LRMDA: variants seen among roughly 807,000 people sequenced by gnomAD.
The protein encoded by LRMDA is leucine rich melanocyte differentiation associated.
Under a neutral mutation model 29.8 loss-of-function variants are expected in LRMDA, and 18 were observed. That is an observed-to-expected ratio of 0.60 (90% CI 0.42 to 0.90). The LOEUF (loss-of-function observed/expected upper bound fraction) is 0.90. Among genes scored for constraint, LRMDA ranks in the 40% least tolerant of loss-of-function variants. LRMDA has a pLI of 0.00. For synonymous variants in LRMDA, 125 were observed against 109.4 expected (o/e 1.14, Z -0.89); for missense variants, 273 against 273.9 (o/e 1.00, Z 0.02).
chr10:76,085,631 G>A (rs1489441001), intron 5 of LRMDA, among the ~76,000 whole-genome samples: 1 of 152,140 alleles, frequency 6.6e-6, no homozygotes, highest in African/African-American at 2.4e-5. Context: ...CTGTGTCCTT[G>A]GAGAGTCGGT....
At chr10:76,085,948 T>A (rs1456028617) in intron 5 of LRMDA, among the ~76,000 whole-genome samples, 1 of 152,180 alleles carries the variant, frequency 6.6e-6, no homozygotes, top group Non-Finnish European at 1.5e-5. Context: ...TTCCCAGCAA[T>A]GGGGATCAGT....
At position 76,544,013 on chromosome 10, in the gene LRMDA, G is replaced by A. The variant is rs935152497; in HGVS notation, c.602-13196G>A. On this transcript the variant is annotated intron_variant, in intron 6 of 6. Transcript: ENST00000611255. Reference sequence around the variant, plus strand: ...CAGTTTCTCCTCAGGCTGCCCCACCGCCTGCATTATGAGTCTTTCTTCTCC... The same window carrying A: ...CAGTTTCTCCTCAGGCTGCCCCACCACCTGCATTATGAGTCTTTCTTCTCC... Among the ~76,000 whole-genome samples the A allele has an allele frequency of 2.5e-4, 38 of 152,178 alleles. 1 individual carries two copies. In the East Asian group the frequency reaches 6.0e-3, roughly 24 times the overall value.
chr10:75,958,241 C>T (rs567395555), intron 2 of LRMDA, among the ~76,000 whole-genome samples: 4 of 152,228 alleles, frequency 2.6e-5, no homozygotes, highest in Admixed American at 6.5e-5. Context: ...ATAAACAGGG[C>T]GCCTTTGTCA....
intron 5 of LRMDA, among the ~76,000 whole-genome samples, chr10:76,263,159 T>A (rs1334343570): frequency 6.6e-6 from 1 of 152,208 alleles, no homozygotes; most frequent in Non-Finnish European, 1.5e-5. Context: ...AAGGTACCTC[T>A]TGGGTCACCT....
chr10:75,846,165 TTGTGTGTGTGTTTGTG>T (rs1357137563), intron 2 of LRMDA, among the ~76,000 whole-genome samples: 3 of 116,008 alleles, frequency 2.6e-5, no homozygotes, highest in African/African-American at 1.0e-4. Context: ...TGTTACTTAT[TTGTGTGTGTGTTTGTG>T]TGTGTGTGTG....
chr10:76,525,228 G>T, intron 6 of LRMDA, among the ~76,000 whole-genome samples: 1 of 152,130 alleles, frequency 6.6e-6, no homozygotes, highest in East Asian at 1.9e-4. Flanking sequence ...TTTCTAATGG[G>T]CCTAAGTTTC....
At chr10:76,133,682 G>A (rs1236398419) in intron 5 of LRMDA, among the ~76,000 whole-genome samples, 2 of 152,234 alleles carry the variant, frequency 1.3e-5, no homozygotes, top group South Asian at 2.1e-4. Flanking sequence ...ACCTGATGGA[G>A]CTTCGCCTGC....
intron 6 of LRMDA, among the ~76,000 whole-genome samples, chr10:76,435,834 T>G (rs1359908506): frequency 6.6e-6 from 1 of 152,162 alleles, no homozygotes; most frequent in Admixed American, 6.5e-5. Context: ...GAAGATTCGG[T>G]CTCTCATAGG....
At chr10:75,623,009 A>G (rs1401949875) in intron 2 of LRMDA, among the ~76,000 whole-genome samples, 5 of 152,204 alleles carry the variant, frequency 3.3e-5, no homozygotes, top group Admixed American at 6.5e-5. Context: ...TTTACCAACA[A>G]TGCTTTAATT....
chr10:75,827,923 T>C (rs1284956548), intron 2 of LRMDA, among the ~76,000 whole-genome samples: 2 of 152,188 alleles, frequency 1.3e-5, no homozygotes, highest in African/African-American at 2.4e-5. Flanking sequence ...TGGAATTCTT[T>C]GGAGGGTCTG....
intron 5 of LRMDA, among the ~76,000 whole-genome samples, chr10:76,244,341 T>C (rs1385164958): frequency 6.6e-6 from 1 of 152,162 alleles, no homozygotes; most frequent in Non-Finnish European, 1.5e-5. Flanking sequence ...ATGTTTCAAC[T>C]TGAAATCTTT....
chr10:76,179,237 A>G (rs1053328236), intron 5 of LRMDA, among the ~76,000 whole-genome samples: 2 of 151,464 alleles, frequency 1.3e-5, no homozygotes, highest in African/African-American at 2.4e-5. Context: ...GCAATCAAGG[A>G]GGGGGGGGTG....
intron 5 of LRMDA, among the ~76,000 whole-genome samples, chr10:76,181,573 T>C (rs551499307): frequency 1.3e-5 from 2 of 152,308 alleles, no homozygotes; most frequent in South Asian, 2.1e-4. Context: ...AGTGTTTTTG[T>C]TGGGGGCAGC....
chr10:75,559,721 G>A lies in LRMDA; in HGVS notation c.131+121227G>A, dbSNP rs1479329844. 6.1e-5 allele frequency among the ~76,000 whole-genome samples: 9 copies of A among 147,042 alleles called. No individual in the cohort carries two copies. In the South Asian group the frequency reaches 2.1e-3, roughly 35 times the overall value. ...AATTAATTTTTGTATAAGGTGTAAG[G>A]AAGGGATCCAGTTTCAGCTTTCTAT... On this transcript the variant is annotated intron_variant, in intron 2 of 6. Coordinates refer to ENST00000611255, the MANE Select transcript of LRMDA (RefSeq NM_001305581.2).
chr10:75,933,724 A>G (rs779986069), intron 2 of LRMDA, among the ~76,000 whole-genome samples: 2 of 152,142 alleles, frequency 1.3e-5, no homozygotes, highest in Non-Finnish European at 2.9e-5. Flanking sequence ...TATTCGCTCC[A>G]AGGAGGAGAA....
chr10:75,950,900 A>T (rs1182517905), intron 2 of LRMDA, among the ~76,000 whole-genome samples: 1 of 152,148 alleles, frequency 6.6e-6, no homozygotes, highest in Non-Finnish European at 1.5e-5. Flanking sequence ...TTGATGTTTC[A>T]TTGAGAACCT....
intron 2 of LRMDA, among the ~76,000 whole-genome samples, chr10:75,495,676 A>G (rs1003644699): frequency 2.0e-5 from 3 of 152,206 alleles, no homozygotes; most frequent in Non-Finnish European, 4.4e-5. Context: ...TATGGGGATG[A>G]ATACACTTTA....
At chr10:76,040,812 A>G (rs114522424) in intron 3 of LRMDA, among the ~76,000 whole-genome samples, 1 of 152,194 alleles carries the variant, frequency 6.6e-6, no homozygotes, top group Non-Finnish European at 1.5e-5. Context: ...TTTATTTGGA[A>G]TCACACTTCA....
intron 2 of LRMDA, among the ~76,000 whole-genome samples, chr10:75,583,137 A>G (rs1840615051): frequency 6.6e-6 from 1 of 152,070 alleles, no homozygotes; most frequent in Non-Finnish European, 1.5e-5. Context: ...TGATCCCTCC[A>G]CACTCTCCCA....
Sources: gnomAD v4.1 joint callset for allele counts (sites outside exome capture counted in the v4.1 genomes callset) on GRCh38, gnomAD v4.1.1 for gene constraint, MANE v1.5 for transcripts, NCBI Gene and HGNC (gene_info 2026-07-23, HGNC 2026-07-21) for gene names.